MCF2: variants seen among roughly 807,000 people sequenced by gnomAD.
MCF2 encodes the protein proto-oncogene DBL.
A neutral mutation model predicts 82.5 loss-of-function variants in MCF2; 44 were observed. That is an observed-to-expected ratio of 0.53 (90% CI 0.42 to 0.69). The LOEUF (loss-of-function observed/expected upper bound fraction) is 0.69. Among genes scored for constraint, MCF2 ranks in the 30% least tolerant of loss-of-function variants. The pLI is 0.00. For synonymous variants in MCF2, 217 were observed against 224.9 expected (o/e 0.96, Z 0.32); for missense variants, 623 against 663.1 (o/e 0.94, Z 0.66).
chrX:139,640,882 G>A (rs1170656122), intron 1 of MCF2, among the ~76,000 whole-genome samples: 3 of 110,476 alleles, frequency 2.7e-5, no homozygotes, highest in Non-Finnish European at 5.7e-5. Flanking sequence ...AAAGGTAACA[G>A]CAACATATAC....
intron 1 of MCF2, among the ~76,000 whole-genome samples, chrX:139,656,123 G>A (rs1253758794): frequency 1.8e-5 from 2 of 111,961 alleles, no homozygotes; most frequent in Non-Finnish European, 3.8e-5. Context: ...GTGCAGTGGC[G>A]CGATCTCGGC....
At chrX:139,626,822 G>A in intron 4 of MCF2, 66 bp from the exon 8 acceptor site, 1 of 953,359 alleles carries the variant, frequency 1.0e-6, no homozygotes, top group Non-Finnish European at 1.5e-6. Context: ...TGATGGGAAG[G>A]GAGCATACAA....
intron 1 of MCF2, among the ~76,000 whole-genome samples, chrX:139,639,526 T>C (rs1933439042): frequency 9.0e-6 from 1 of 110,959 alleles, no homozygotes; most frequent in African/African-American, 3.3e-5. Flanking sequence ...GAGCACAAAA[T>C]AAGCTCCCTC....
chrX:139,659,259 C>T (rs1934289220), intron 1 of MCF2, among the ~76,000 whole-genome samples: 1 of 109,252 alleles, frequency 9.2e-6, no homozygotes, highest in Non-Finnish European at 1.9e-5. Context: ...TGCACTCCAG[C>T]CTGGTGACAG....
chrX:139,626,455 G>T, intron 5 of MCF2, 148 bp from the exon 9 acceptor site: 1 of 613,504 alleles, frequency 1.6e-6, no homozygotes, highest in South Asian at 2.9e-5. Context: ...AATGTCCACA[G>T]ACTCTCTTCT....
intron 1 of MCF2, among the ~76,000 whole-genome samples, chrX:139,707,247 C>T (rs1287548986): frequency 9.1e-6 from 1 of 110,496 alleles, no homozygotes; most frequent in Non-Finnish European, 1.9e-5. Context: ...GTTGGAGTTT[C>T]CAATCCTTTC....
At chrX:139,595,766 A>T (rs1022881603) in intron 19 of MCF2, among the ~76,000 whole-genome samples, 19 of 110,912 alleles carry the variant, frequency 1.7e-4, no homozygotes, top group Non-Finnish European at 3.4e-4. Context: ...AAAAAAATTT[A>T]AAATTCAAAA....
At chrX:139,669,969 T>C (rs1047498704) in intron 1 of MCF2, among the ~76,000 whole-genome samples, 1 of 111,802 alleles carries the variant, frequency 8.9e-6, no homozygotes, top group African/African-American at 3.2e-5. Flanking sequence ...CTAAAATTGA[T>C]TGCAGTGATG....
intron 1 of MCF2, among the ~76,000 whole-genome samples, chrX:139,663,431 AC>A (rs1476430604): frequency 8.9e-6 from 1 of 111,752 alleles, no homozygotes; most frequent in Non-Finnish European, 1.9e-5. Flanking sequence ...TAATGTACAG[AC>A]TTTTTCATTA....
chrX:139,626,252 G>T, exon 6 of MCF2: 1 of 1,204,593 alleles, frequency 8.3e-7, no homozygotes, highest in East Asian at 3.0e-5. Context: ...TTTAATTGAT[G>T]TTTTTCCCAA....
chrX:139,641,130 G>A (rs1933540034), intron 1 of MCF2, among the ~76,000 whole-genome samples: 1 of 107,172 alleles, frequency 9.3e-6, no homozygotes, highest in Non-Finnish European at 1.9e-5. Context: ...GTATATTAAT[G>A]CATGTGTATA....
chrX:139,598,635 T>C, intron 16 of MCF2, 137 bp from the exon 21 acceptor site: 3 of 372,259 alleles, frequency 8.1e-6, no homozygotes, highest in East Asian at 9.4e-5. Flanking sequence ...ATCACTGTTA[T>C]AGTACAGAAA....
rs375446452 is a variant in MCF2, at chrX:139,586,522, T to C, written c.2523-35A>G. On this transcript the variant is annotated intron_variant, in intron 22 of 24. Coordinates refer to ENST00000370576, the Ensembl canonical transcript of MCF2. ...TGATGTATAAAACTAAGTGAGCTTT[T>C]GTACAGTTTACAAGTAAAAAGAAAT... The C allele has an allele frequency of 6.1e-6, 6 of 975,846 alleles. No homozygotes were observed. The African/African-American group carries it at 1.1e-4, about 19-fold the overall frequency. The allele number at this position is 975,846 out of a possible 1,213,427, so 80.4% of individuals were successfully genotyped here.
intron 1 of MCF2, among the ~76,000 whole-genome samples, chrX:139,669,392 T>C (rs769692649): frequency 5.4e-5 from 6 of 112,063 alleles, no homozygotes; most frequent in Admixed American, 9.5e-5. Context: ...CAAGTGTTGA[T>C]TAGTACGTGG....
upstream of MCF2, among the ~76,000 whole-genome samples, chrX:139,644,824 G>T (rs1305970656): frequency 1.8e-5 from 2 of 112,029 alleles, no homozygotes; most frequent in African/African-American, 6.5e-5. Context: ...GTCTGATAGA[G>T]GAAGTTGGCC....
intron 2 of MCF2, among the ~76,000 whole-genome samples, chrX:139,648,543 A>ATAT (rs1933885420): frequency 1.8e-5 from 2 of 112,204 alleles, no homozygotes; most frequent in African/African-American, 6.5e-5. Flanking sequence ...GTAAGATGGT[A>ATAT]GATTTAAATC....
chrX:139,695,032 C>CTTTTTTTT (rs200562872), intron 1 of MCF2, among the ~76,000 whole-genome samples: 1 of 94,904 alleles, frequency 1.1e-5, no homozygotes, highest in Non-Finnish European at 2.1e-5. Flanking sequence ...TGTATTCTTT[C>CTTTTTTTT]TTTTTTTTTT....
At chrX:139,677,431 G>A (rs1430041812) in intron 1 of MCF2, among the ~76,000 whole-genome samples, 1 of 112,012 alleles carries the variant, frequency 8.9e-6, no homozygotes, top group East Asian at 2.8e-4. Flanking sequence ...TCTAAAACTT[G>A]CCTCGGTCTC....
chrX:139,621,062 A>G (rs1054831337), intron 6 of MCF2, among the ~76,000 whole-genome samples: 1 of 111,524 alleles, frequency 9.0e-6, no homozygotes, highest in African/African-American at 3.3e-5. Flanking sequence ...CAACCATCAG[A>G]TCTTTTACCA....
Sources: gnomAD v4.1 joint callset for allele counts (sites outside exome capture counted in the v4.1 genomes callset) on GRCh38, gnomAD v4.1.1 for gene constraint, MANE v1.5 for transcripts, NCBI Gene and HGNC (gene_info 2026-07-23, HGNC 2026-07-21) for gene names.